Variants in TBCK observed in about 807,000 individuals in gnomAD.
The protein encoded by TBCK is TBC domain-containing protein kinase-like protein.
TBCK carries 99 observed loss-of-function variants against 113.4 expected under a neutral mutation model. The ratio of observed to expected loss-of-function variants is 0.87; its 90% CI spans 0.74 to 1.03. TBCK has a LOEUF of 1.03. Among genes scored for constraint, TBCK ranks in the 50% least tolerant of loss-of-function variants. TBCK has a pLI of 0.00. For synonymous variants in TBCK, 369 were observed against 370.8 expected (o/e 1.00, Z 0.05); for missense variants, 1,045 against 1,061.3 (o/e 0.98, Z 0.21).
chr4:106,152,166 T>A (rs1020381156), intron 23 of TBCK, among the ~76,000 whole-genome samples: 1 of 152,002 alleles, frequency 6.6e-6, no homozygotes, highest in Non-Finnish European at 1.5e-5. Context: ...ATTCTTGATC[T>A]TAGAGGAAAG....
At chr4:106,300,858 T>C (rs907051990) in intron 2 of TBCK, among the ~76,000 whole-genome samples, 10 of 152,238 alleles carry the variant, frequency 6.6e-5, no homozygotes, top group South Asian at 2.1e-4. Flanking sequence ...CCCAGCTACA[T>C]GAGAGGCTGA....
chr4:106,090,569 T>C (rs1268885398), intron 25 of TBCK, among the ~76,000 whole-genome samples: 3 of 152,220 alleles, frequency 2.0e-5, no homozygotes, highest in African/African-American at 7.2e-5. Context: ...GTTTTCCAAA[T>C]TTTTATGCTC....
upstream of TBCK, chr4:106,316,363 G>T (rs1349398028): frequency 9.8e-6 from 6 of 611,878 alleles, no homozygotes; most frequent in East Asian, 5.8e-5. Context: ...GGACGGGGGG[G>T]GTCGATTGAA....
At chr4:106,166,201 T>C (rs1398402218) in intron 23 of TBCK, among the ~76,000 whole-genome samples, 1 of 151,674 alleles carries the variant, frequency 6.6e-6, no homozygotes, top group African/African-American at 2.4e-5. Flanking sequence ...ATATTAAAAA[T>C]GTAGACATTT....
intron 22 of TBCK, among the ~76,000 whole-genome samples, chr4:106,192,434 A>T (rs1017896484): frequency 6.6e-6 from 1 of 152,124 alleles, no homozygotes; most frequent in Non-Finnish European, 1.5e-5. Context: ...CTTATTTATT[A>T]CTGTTCAAAA....
chr4:106,251,156 C>A, intron 6 of TBCK: 1 of 393,364 alleles, frequency 2.5e-6, no homozygotes, highest in Non-Finnish European at 5.1e-6. Flanking sequence ...ATAAATTTGG[C>A]AAACTACTTA....
At chr4:106,083,283 T>C (rs1404309351) in intron 25 of TBCK, among the ~76,000 whole-genome samples, 1 of 152,236 alleles carries the variant, frequency 6.6e-6, no homozygotes, top group Non-Finnish European at 1.5e-5. Flanking sequence ...GTCCCAAGAC[T>C]TGTCCCCACA....
intron 25 of TBCK, among the ~76,000 whole-genome samples, chr4:106,081,294 A>ATGAT (rs1301715489): frequency 6.6e-6 from 1 of 152,224 alleles, no homozygotes; most frequent in Non-Finnish European, 1.5e-5. Flanking sequence ...ATGCACATCA[A>ATGAT]TGATAGACTG....
At chr4:106,118,413 A>C (rs1743817694) in intron 23 of TBCK, among the ~76,000 whole-genome samples, 1 of 152,238 alleles carries the variant, frequency 6.6e-6, no homozygotes, top group African/African-American at 2.4e-5. Flanking sequence ...TATAGCTTTT[A>C]ATAAAAAATA....
intron 5 of TBCK, among the ~76,000 whole-genome samples, chr4:106,257,508 A>C (rs1342291144): frequency 6.6e-6 from 1 of 152,160 alleles, no homozygotes. Context: ...AGGGAATGTG[A>C]CTTAAATTCA....
chr4:106,240,786 T>A (rs1760022185), intron 12 of TBCK, among the ~76,000 whole-genome samples: 1 of 151,990 alleles, frequency 6.6e-6, no homozygotes, highest in Non-Finnish European at 1.5e-5. Context: ...TACTTTGAAA[T>A]GCAAGAACAA....
chr4:106,105,450 C>T (rs1742038260), intron 24 of TBCK, among the ~76,000 whole-genome samples: 1 of 152,158 alleles, frequency 6.6e-6, no homozygotes, highest in Non-Finnish European at 1.5e-5. Context: ...AGTGGGCAGC[C>T]CAGGAGTGCC....
At chr4:106,246,942 C>A (rs1760883445) in intron 10 of TBCK, among the ~76,000 whole-genome samples, 197 bp downstream of exon 10, 1 of 152,116 alleles carries the variant, frequency 6.6e-6, no homozygotes, top group Admixed American at 6.6e-5. Context: ...TCTTTGACCT[C>A]CCAAAGTGCT....
chr4:106,181,054 T>C (rs576610550), intron 22 of TBCK, among the ~76,000 whole-genome samples: 1 of 152,220 alleles, frequency 6.6e-6, no homozygotes, highest in African/African-American at 2.4e-5. Flanking sequence ...TTTTTAATGA[T>C]CACCATTCTA....
intron 22 of TBCK, among the ~76,000 whole-genome samples, chr4:106,175,242 G>A (rs771900667): frequency 3.3e-5 from 5 of 150,648 alleles, no homozygotes; most frequent in Admixed American, 6.6e-5. Context: ...TTATCTTTCT[G>A]AATAAATTAT....
At chr4:106,125,024 G>A (rs1374015047) in intron 23 of TBCK, among the ~76,000 whole-genome samples, 1 of 150,592 alleles carries the variant, frequency 6.6e-6, no homozygotes, top group Non-Finnish European at 1.5e-5. Context: ...AACACAATGT[G>A]ATATCATCTC....
At chr4:106,308,132 A>T (rs758855965) in intron 2 of TBCK, among the ~76,000 whole-genome samples, 1 of 152,186 alleles carries the variant, frequency 6.6e-6, no homozygotes, top group Non-Finnish European at 1.5e-5. Flanking sequence ...TTTCCCTGAA[A>T]AAGAAAATTA....
At chr4:106,240,383 T>C (rs972769658) in intron 12 of TBCK, among the ~76,000 whole-genome samples, 3 of 1,206 alleles carry the variant, frequency 2.5e-3, no homozygotes, top group African/African-American at 0.021. Context: ...AGATAAGAAT[T>C]TGGAAATGAA....
chr4:106,081,626 C>G (rs1385458130), intron 25 of TBCK, among the ~76,000 whole-genome samples: 1 of 152,014 alleles, frequency 6.6e-6, no homozygotes, highest in Admixed American at 6.6e-5. Context: ...CACACACTTA[C>G]CTGTGTAACA....
Sources: allele counts gnomAD v4.1 joint callset (sites outside exome capture counted in the v4.1 genomes callset), GRCh38; gene constraint gnomAD v4.1.1; transcripts MANE v1.5; gene names NCBI Gene and HGNC (gene_info 2026-07-23, HGNC 2026-07-21).